The following GRK2 variants were observed in gnomAD, a reference collection of about 807,000 sequenced individuals.
The protein encoded by GRK2 is adrenergic beta receptor kinase 1.
In GRK2, 23 loss-of-function variants were observed where a neutral mutation model predicts 97.8. The observed-to-expected ratio is 0.24, with a 90% CI of 0.17 to 0.33. GRK2 has a LOEUF of 0.33. GRK2 is among the 10% of genes least tolerant of loss of function. GRK2 has a pLI of 1.00. For synonymous variants in GRK2, 425 were observed against 381.7 expected, an observed-to-expected ratio of 1.11 and a Z score of -1.32; for missense variants, 633 against 956.9, an observed-to-expected ratio of 0.66 and a Z score of 4.47.
chr11:67,281,304 G>A lies in GRK2; in HGVS notation c.647+120G>A. On this transcript the variant is annotated intron_variant, in intron 8 of 20. Transcript: ENST00000308595. This position sits in a 1 kb window ranked among gnomAD's most constrained non-coding sequence, Gnocchi z 5.7. The stretch of plus-strand genomic sequence containing the variant: ...CCATGCACTCCTGTCTTGCCGTGCT[G>A]TTACCCCCGCAGGCTCCTCTGGCCC... The A allele has an allele frequency of 1.8e-6, 2 of 1,100,464 alleles. No individual in the cohort carries two copies. Among genetic ancestry groups the A allele is most frequent in the Non-Finnish European group, 1.3e-6 (1 of 748,588 alleles). 68.2% of individuals were successfully genotyped at this position (1,100,464 alleles called of 1,614,324 possible). A position where few individuals can be genotyped will look rare whatever the true frequency, so the allele number is the denominator to read the frequency against.
Position 67,279,619 on chromosome 11 carries a change from T to C in GRK2, c.367-7T>C. ...TGAGAATTCATGGCCACCTCTGTCT[T>C]CCCCAGCCCTTCTCGAAGAGTGCCA... On this transcript the variant is annotated splice_region_variant and splice_polypyrimidine_tract_variant and intron_variant, in intron 4 of 20. Coordinates refer to ENST00000308595, the MANE Select transcript of GRK2 (RefSeq NM_001619.5). The C allele has an allele frequency of 1.2e-6, 2 of 1,613,344 alleles. No homozygotes were observed. Among genetic ancestry groups the C allele is most frequent in the Non-Finnish European group, 1.7e-6 (2 of 1,179,940 alleles).
chr11:67,282,862 G>C lies in GRK2; in HGVS notation c.1227+44G>C. On this transcript the variant is annotated intron_variant, in intron 14 of 20. Coordinates refer to ENST00000308595, the MANE Select transcript of GRK2 (RefSeq NM_001619.5). The surrounding 1 kb of genome is among the most constrained non-coding windows in gnomAD (Gnocchi z 6.9). ...GCAGGGCCGCAGGGGGCTGGGGGGA[G>C]CTCCTGTGGGTGCCAGGCCATGACT... 2 of 1,570,162 alleles carry C rather than the reference G, an allele frequency of 1.3e-6. No individual in the cohort carries two copies. Among genetic ancestry groups the C allele is most frequent in the Admixed American group, 1.7e-5 (1 of 57,238 alleles).
intron 2 of GRK2, 102 bp from the exon 3 acceptor site, chr11:67,279,098 C>G: frequency 1.0e-6 from 1 of 993,652 alleles, no homozygotes; most frequent in Admixed American, 1.8e-5. Context: ...TTTGCCACCT[C>G]CATAGCCAGT....
intron 18 of GRK2, 120 bp downstream of exon 18, chr11:67,284,493 C>T (rs1186523900): frequency 8.0e-7 from 1 of 1,245,428 alleles, no homozygotes; most frequent in Non-Finnish European, 1.1e-6. Context: ...GGGATTCAAA[C>T]TCAGGCTGGG....
rs1183036740 is a variant in GRK2 at position 67,285,411 on chromosome 11, G to A, written c.2031G>A (p.Lys677=). Residue 677 remains lysine (K), a synonymous_variant, in exon 21 of 21, where the codon AAG becomes AAA. Transcript: ENST00000308595. ...KPRSPVVELS[K]VPLVQRGSAN... ...GCTCGCCCGTGGTGGAGCTGAGCAA[G>A]GTGCCGCTGGTCCAGCGCGGCAGTG... 7 of 1,600,956 alleles carry A rather than the reference G, an allele frequency of 4.4e-6. No homozygotes were observed. Among genetic ancestry groups the A allele is most frequent in the Non-Finnish European group, 6.0e-6 (7 of 1,173,070 alleles).
At chr11:67,277,762 C>T (rs771582112) in intron 2 of GRK2, among the ~76,000 whole-genome samples, 1 of 152,208 alleles carries the variant, frequency 6.6e-6, no homozygotes, top group Non-Finnish European at 1.5e-5. Flanking sequence ...TTGTAAGCAA[C>T]CTGCCTGGTG....
At position 67,284,288 on chromosome 11, in the gene GRK2, G is replaced by C. The variant is rs370321276; in HGVS notation, c.1569G>C (p.Glu523Asp). 1 of 1,613,330 alleles carries C rather than the reference G, an allele frequency of 6.2e-7. No homozygotes were observed. The highest frequency in any genetic ancestry group is 1.3e-5 in the African/African-American group (1 of 74,922). The stretch of plus-strand genomic sequence containing the variant: ...AGCGGTGGCAGCAGGAGGTGGCAGA[G>C]ACTGTCTTCGACACCATCAACGCTG... ...ISERWQQEVA[E>D]TVFDTINAET... The change falls in exon 18 of 21, where the codon GAG (glutamate) becomes GAC (aspartate). Residue 523 changes from glutamate (E) to aspartate (D), a missense_variant. Transcript: ENST00000308595.
chr11:67,282,148 C>T lies in GRK2; in HGVS notation c.958-123C>T, dbSNP rs1860166009. The T allele has an allele frequency of 8.3e-7, 1 of 1,207,374 alleles. No individual in the cohort carries two copies. The highest frequency in any genetic ancestry group is 1.4e-5 in the South Asian group (1 of 72,860). 74.8% of individuals were successfully genotyped at this position (1,207,374 alleles called of 1,614,324 possible). ...AGCTGGGGACAGGAGAGAGGACCCC[C>T]ACCTTTGCCCTTTCTTTGGGTACCC... On this transcript the variant is annotated intron_variant, in intron 11 of 20. Coordinates refer to ENST00000308595, the MANE Select transcript of GRK2 (RefSeq NM_001619.5). This position sits in a 1 kb window ranked among gnomAD's most constrained non-coding sequence, Gnocchi z 6.9.
At chr11:67,280,466 ACCT>A (rs965817299) in intron 6 of GRK2, 4 of 562,060 alleles carry the variant, frequency 7.1e-6, no homozygotes, top group African/African-American at 5.7e-5. Context: ...AGACTGGAAG[ACCT>A]CCTTTCTGTG....
chr11:67,279,073 G>A (rs1211583723), intron 2 of GRK2, 127 bp from the exon 3 acceptor site: 1 of 767,396 alleles, frequency 1.3e-6, no homozygotes, highest in African/African-American at 1.7e-5. Flanking sequence ...CCCCTTGCCT[G>A]GGGCCGAGAC....
intron 1 of GRK2, among the ~76,000 whole-genome samples, chr11:67,275,939 A>G (rs1353344131): frequency 6.6e-6 from 1 of 152,180 alleles, no homozygotes; most frequent in Non-Finnish European, 1.5e-5. Flanking sequence ...GGCATGAGGT[A>G]CACAGTGCCT....
In GRK2 at chr11:67,281,742, G is replaced by C. The variant is rs138298425; in HGVS notation, c.826+14G>C. ...ACCTCATGAACGGTGAGTGCTGGCC[G>C]GGCCCTAGGGTGGGCCGGGCCCAGG... On this transcript the variant is annotated intron_variant, in intron 10 of 20. Coordinates refer to ENST00000308595, the MANE Select transcript of GRK2 (RefSeq NM_001619.5). The surrounding 1 kb of genome is among the most constrained non-coding windows in gnomAD (Gnocchi z 5.7). 6.2e-7 allele frequency: 1 copy of C among 1,613,264 alleles called. No homozygotes were observed. The highest frequency in any genetic ancestry group is 2.2e-5 in the East Asian group (1 of 44,844).
chr11:67,285,047 C>T (rs1860242697), intron 19 of GRK2, 28 bp from the exon 20 acceptor site: 5 of 1,612,678 alleles, frequency 3.1e-6, no homozygotes, highest in East Asian at 2.2e-5. Context: ...CCGGCTCTTA[C>T]CTGCACCACC....
chr11:67,282,550 G>A lies in GRK2; in HGVS notation c.1160+8G>A. The A allele has an allele frequency of 1.9e-6, 3 of 1,612,512 alleles. No homozygotes were observed. The highest frequency in any genetic ancestry group is 2.7e-5 in the African/African-American group (2 of 75,022). On this transcript the variant is annotated splice_region_variant and intron_variant, in intron 13 of 20. Coordinates refer to ENST00000308595, the MANE Select transcript of GRK2 (RefSeq NM_001619.5). The surrounding 1 kb of genome is among the most constrained non-coding windows in gnomAD (Gnocchi z 6.9). Reference sequence around the variant, plus strand: ...CTTCAAGTTGCTGCGGGGGTGAGTGGCCCATCCCAGGTGGGCAGGTGGGTT... The same window carrying A: ...CTTCAAGTTGCTGCGGGGGTGAGTGACCCATCCCAGGTGGGCAGGTGGGTT...
chr11:67,283,893 G>T lies in GRK2; in HGVS notation c.1435G>T (p.Ala479Ser). The T allele has an allele frequency of 6.2e-7, 1 of 1,613,038 alleles. No homozygotes were observed. Among genetic ancestry groups the T allele is most frequent in the Non-Finnish European group, 8.5e-7 (1 of 1,179,794 alleles). The stretch of plus-strand genomic sequence containing the variant: ...GATCCCCCCACGAGGGGAGGTGAAC[G>T]CGGCCGACGCCTTCGACATTGGCTC... ...PLIPPRGEVNAADAFDIGSFD... is the reference protein window; with the variant it reads ...PLIPPRGEVNSADAFDIGSFD... The change falls in exon 17 of 21, where the codon GCG (alanine) becomes TCG (serine). Residue 479 changes from alanine (A) to serine (S), a missense_variant. Ala to Ser is a moderately conservative substitution (Grantham distance 99). Transcript: ENST00000308595.
rs1860156127 is a variant in GRK2 at position 67,281,723 on chromosome 11, T to C, written c.821T>C (p.Met274Thr). 1 of 1,566,704 alleles carries C rather than the reference T, an allele frequency of 6.4e-7. No homozygotes were observed. Among genetic ancestry groups the C allele is most frequent in the Non-Finnish European group, 8.7e-7 (1 of 1,148,792 alleles). ...AAGCTCAGCTTCATCCTGGACCTCA[T>C]GAACGGTGAGTGCTGGCCGGGCCCT... Reference protein sequence around the residue: ...PDKLSFILDLMNGGDLHYHLS... With the variant: ...PDKLSFILDLTNGGDLHYHLS... Residue 274 changes from methionine (M) to threonine (T), a missense_variant, in exon 10 of 21, where the codon ATG becomes ACG. Met to Thr is a moderately conservative substitution (Grantham distance 81). Around this residue, in one of 4 missense-constraint regions of GRK2, gnomAD observed 192 missense variants for 362.3 expected, o/e 0.53. Coordinates refer to ENST00000308595, the MANE Select transcript of GRK2 (RefSeq NM_001619.5). The surrounding 1 kb of genome is among the most constrained non-coding windows in gnomAD (Gnocchi z 5.7).
intron 2 of GRK2, 25 bp from the exon 3 acceptor site, chr11:67,279,175 T>G: frequency 6.2e-7 from 1 of 1,605,874 alleles, no homozygotes. Context: ...GGCGTGGCTC[T>G]GTGACCTTAC....
chr11:67,271,693 G>A (rs1859911008), intron 1 of GRK2, among the ~76,000 whole-genome samples: 1 of 152,244 alleles, frequency 6.6e-6, no homozygotes, highest in African/African-American at 2.4e-5. Flanking sequence ...CGGAGCCCAG[G>A]CTGCTGCAGA....
Position 67,285,771 on chromosome 11 carries a change from T to C in GRK2, c.*321T>C. Reference sequence around the variant, plus strand: ...CCACCCTGGGCTCTGTGGGCTGCACTCTGTGCCCATGGGCACTGCTGGGTG... The same window carrying C: ...CCACCCTGGGCTCTGTGGGCTGCACCCTGTGCCCATGGGCACTGCTGGGTG... On this transcript the variant is annotated 3_prime_UTR_variant, in exon 21 of 21. Transcript: ENST00000308595. 2.7e-6 allele frequency: 1 copy of C among 375,812 alleles called. No individual in the cohort carries two copies. The highest frequency in any genetic ancestry group is 4.8e-6 in the Non-Finnish European group (1 of 206,488). The allele number at this position is 375,812 out of a possible 1,614,324, so 23.3% of individuals were successfully genotyped here.
Sources: gnomAD v4.1 joint callset for allele counts (sites outside exome capture counted in the v4.1 genomes callset) on GRCh38, gnomAD v4.1.1 for gene constraint, gnomAD v4.1.1 regional missense constraint, Gnocchi (gnomAD v3.1) non-coding constraint, MANE v1.5 for transcripts, NCBI Gene and HGNC (gene_info 2026-07-23, HGNC 2026-07-21) for gene names.